The following ZFPM1 variants were observed in gnomAD, a reference collection of about 807,000 sequenced individuals.
ZFPM1 encodes zinc finger protein, FOG family member 1.
A neutral mutation model predicts 46.3 loss-of-function variants in ZFPM1; 28 were observed. The observed-to-expected ratio is 0.60, with a 90% CI of 0.45 to 0.83. The LOEUF (loss-of-function observed/expected upper bound fraction) is 0.83. Among genes scored for constraint, ZFPM1 ranks in the 40% least tolerant of loss-of-function variants. The pLI is 0.00. For missense variants in ZFPM1, 1,878 were observed against 1,432.4 expected, an observed-to-expected ratio of 1.31 and a Z score of -5.02; for synonymous variants, 957 against 675.9, an observed-to-expected ratio of 1.42 and a Z score of -6.45.
intron 3 of ZFPM1, among the ~76,000 whole-genome samples, chr16:88,491,599 C>T (rs1173459326): frequency 6.6e-6 from 1 of 152,216 alleles, no homozygotes; most frequent in African/African-American, 2.4e-5. Flanking sequence ...GTTAGATCAT[C>T]CTCCTGTTCT....
At chr16:88,461,207 C>CGAGGGG (rs1907861115) in intron 1 of ZFPM1, among the ~76,000 whole-genome samples, 1 of 106,736 alleles carries the variant, frequency 9.4e-6, no homozygotes, top group African/African-American at 5.3e-5. Flanking sequence ...TGGTGAGGAC[C>CGAGGGG]CAGGGGCGGG....
chr16:88,505,402 T>C (rs1910593286), intron 3 of ZFPM1, among the ~76,000 whole-genome samples: 1 of 152,172 alleles, frequency 6.6e-6, no homozygotes, highest in South Asian at 2.1e-4. Context: ...GTCCACGGTG[T>C]CCCAGTGCCT....
chr16:88,467,746 G>C (rs1157565169), intron 1 of ZFPM1, among the ~76,000 whole-genome samples: 3 of 152,172 alleles, frequency 2.0e-5, no homozygotes, highest in Admixed American at 1.3e-4. Context: ...TGGGACCTGA[G>C]ATGGGGAGGC....
chr16:88,534,550 G>C lies in ZFPM1; in HGVS notation c.2592G>C (p.Pro864=). 7.4e-7 allele frequency: 1 copy of C among 1,357,616 alleles called. No homozygotes were observed. The allele number at this position is 1,357,616 out of a possible 1,614,324, so 84.1% of individuals were successfully genotyped here. A position where few individuals can be genotyped will look rare whatever the true frequency, so the allele number is the denominator to read the frequency against. Residue 864 remains proline (P), a synonymous_variant, in exon 10 of 10, where the codon CCG becomes CCC. Transcript: ENST00000319555. ...GCCCCTACTGCCCCCCGAACGGCCC[G>C]GTGCGCGGGGACCTGCTGGAGCATT... ...AACPYCPPNG[P]VRGDLLEHFR...
chr16:88,510,803 A>C (rs894783966), intron 3 of ZFPM1, among the ~76,000 whole-genome samples: 2 of 151,910 alleles, frequency 1.3e-5, no homozygotes, highest in African/African-American at 4.8e-5. Flanking sequence ...CCCACTGCCT[A>C]CCCTTGGGCC....
At chr16:88,489,287 A>C (rs1354878497) in intron 3 of ZFPM1, 134 bp downstream of exon 3, 7 of 1,357,578 alleles carry the variant, frequency 5.2e-6, no homozygotes, top group Non-Finnish European at 6.8e-6. Context: ...GCCTGTGCCT[A>C]GTCCAAAGCT....
chr16:88,489,188 C>T (rs1909415544), intron 3 of ZFPM1, 35 bp downstream of exon 3: 1 of 1,558,990 alleles, frequency 6.4e-7, no homozygotes, highest in Non-Finnish European at 8.7e-7. Flanking sequence ...GCAGCATCGC[C>T]TCCCGGGCAG....
chr16:88,511,426 C>T (rs1310539206), intron 3 of ZFPM1, among the ~76,000 whole-genome samples: 1 of 152,148 alleles, frequency 6.6e-6, no homozygotes, highest in East Asian at 1.9e-4. Context: ...GTGCCACTGT[C>T]TGGATCCCCC....
intron 3 of ZFPM1, among the ~76,000 whole-genome samples, chr16:88,509,858 C>T (rs894990776): frequency 1.3e-5 from 2 of 152,154 alleles, no homozygotes; most frequent in African/African-American, 4.8e-5. Flanking sequence ...GCTCCTCTAC[C>T]GGCTTGCTGC....
At position 88,533,590 on chromosome 16, in the gene ZFPM1, C is replaced by G. The variant is rs1248085037; in HGVS notation, c.1632C>G (p.Ala544=). 11 of 1,499,488 alleles carry G rather than the reference C, an allele frequency of 7.3e-6. No homozygotes were observed. The highest frequency in any genetic ancestry group is 2.9e-5 in the East Asian group (1 of 34,708). 92.9% of individuals were successfully genotyped at this position (1,499,488 alleles called of 1,614,324 possible). A position where few individuals can be genotyped will look rare whatever the true frequency, so the allele number is the denominator to read the frequency against. ...CGCCCCCCGCCTCGGAGATCCTGGC[C>G]AAGATGTCCGAGCTGGTGCACAGCC... is the stretch of plus-strand genomic sequence containing the variant. The part of the protein sequence containing the change: ...DAAPPASEIL[A]KMSELVHSRL... Residue 544 remains alanine, a synonymous_variant, in exon 10 of 10, where the codon GCC becomes GCG. Transcript: ENST00000319555.
At chr16:88,481,079 T>C (rs1376398393) in intron 1 of ZFPM1, among the ~76,000 whole-genome samples, 1 of 152,232 alleles carries the variant, frequency 6.6e-6, no homozygotes, top group Non-Finnish European at 1.5e-5. Context: ...CAAATAGCTA[T>C]TATGTTTTCA....
At chr16:88,532,464 A>AGGT in intron 7 of ZFPM1, 150 bp from the exon 8 acceptor site, 1 of 870,990 alleles carries the variant, frequency 1.1e-6, no homozygotes, top group Admixed American at 2.8e-5. Context: ...GAGAGACAAA[A>AGGT]GGCGGAGGAG....
rs186450801 is a variant in ZFPM1, at chr16:88,521,235, C to T, written c.403-5579C>T. Among the ~76,000 whole-genome samples, 3 of 151,868 alleles carry T rather than the reference C, an allele frequency of 2.0e-5. No homozygotes were observed. In the East Asian group the frequency reaches 5.8e-4, roughly 30 times the overall value. ...CTGCCACTCCATGCTGTTTCCCCCG[C>T]CTCCATGCTGTTCCCTCCTCCGTGC... On this transcript the variant is annotated intron_variant, in intron 4 of 9. Transcript: ENST00000319555.
intron 1 of ZFPM1, among the ~76,000 whole-genome samples, chr16:88,473,072 C>T (rs1346258534): frequency 6.6e-6 from 1 of 152,268 alleles, no homozygotes; most frequent in Non-Finnish European, 1.5e-5. Flanking sequence ...GGGCAGCCTC[C>T]GTTTCTGCAG....
chr16:88,521,536 GTGCTGTTCCCTCCCTCA>G (rs1433259497), intron 4 of ZFPM1, among the ~76,000 whole-genome samples: 1 of 54,934 alleles, frequency 1.8e-5, no homozygotes, highest in Admixed American at 2.2e-4. Context: ...CCCCCAACCC[GTGCTGTTCCCTCCCTCA>G]TGCTGTTCCC....
At chr16:88,493,665 AGCTGTCCCG>A in intron 3 of ZFPM1, among the ~76,000 whole-genome samples, 2 of 150,160 alleles carry the variant, frequency 1.3e-5, no homozygotes, top group African/African-American at 5.0e-5. Flanking sequence ...GGGTGCGGGG[AGCTGTCCCG>A]GGTTGCGGAG....
chr16:88,527,017 C>T (rs1042378122), intron 5 of ZFPM1, 101 bp downstream of exon 5: 1 of 1,469,740 alleles, frequency 6.8e-7, no homozygotes, highest in African/African-American at 1.4e-5. Flanking sequence ...CCTGCTAGGG[C>T]AGGGGATGGG....
At chr16:88,523,238 C>G (rs886742754) in intron 4 of ZFPM1, among the ~76,000 whole-genome samples, 4 of 151,988 alleles carry the variant, frequency 2.6e-5, no homozygotes, top group African/African-American at 4.8e-5. Context: ...CCCCTTCCCC[C>G]TTGCTCCCCA....
At chr16:88,491,763 T>C (rs987306418) in intron 3 of ZFPM1, among the ~76,000 whole-genome samples, 3 of 152,182 alleles carry the variant, frequency 2.0e-5, no homozygotes, top group African/African-American at 7.2e-5. Flanking sequence ...CCCGCAGATA[T>C]GAATTTCTGT....
Sources: gnomAD v4.1 joint callset for allele counts (sites outside exome capture counted in the v4.1 genomes callset) on GRCh38, gnomAD v4.1.1 for gene constraint, MANE v1.5 for transcripts, NCBI Gene and HGNC (gene_info 2026-07-23, HGNC 2026-07-21) for gene names.